The following OSBPL6 variants were observed in gnomAD, a reference collection of about 807,000 sequenced individuals.
OSBPL6 encodes oxysterol binding protein like 6.
OSBPL6 carries 49 observed loss-of-function variants against 125.8 expected under a neutral mutation model. The observed-to-expected ratio is 0.39, with a 90% CI of 0.31 to 0.49. OSBPL6 has a LOEUF of 0.49. OSBPL6 is among the 20% of genes least tolerant of loss of function. The pLI, the probability that OSBPL6 is intolerant of heterozygous loss-of-function variation, is 0.88. For synonymous variants in OSBPL6, 394 were observed against 391.8 expected, an observed-to-expected ratio of 1.01 and a Z score of -0.07; for missense variants, 986 against 1,135.4, an observed-to-expected ratio of 0.87 and a Z score of 1.89.
At chr2:178,317,514 G>A (rs1055140973) in intron 3 of OSBPL6, among the ~76,000 whole-genome samples, 1 of 141,990 alleles carries the variant, frequency 7.0e-6, no homozygotes, top group Non-Finnish European at 1.5e-5. Flanking sequence ...AAACATTTAT[G>A]AGAACATATT....
chr2:178,277,009 C>G (rs1259087277), intron 1 of OSBPL6, among the ~76,000 whole-genome samples: 1 of 152,122 alleles, frequency 6.6e-6, no homozygotes, highest in African/African-American at 2.4e-5. Flanking sequence ...TCTGTGGCTC[C>G]TTTCCTGGCA....
intron 11 of OSBPL6, among the ~76,000 whole-genome samples, chr2:178,343,389 A>G (rs1690398656): frequency 6.6e-6 from 1 of 152,088 alleles, no homozygotes; most frequent in Non-Finnish European, 1.5e-5. Context: ...CCTATCTCAA[A>G]AAAGAAAAAA....
chr2:178,238,823 C>CT (rs2091166905), intron 1 of OSBPL6, among the ~76,000 whole-genome samples: 1 of 152,144 alleles, frequency 6.6e-6, no homozygotes, highest in African/African-American at 2.4e-5. Context: ...ATAAGGGGTT[C>CT]TACTGTACAT....
intron 12 of OSBPL6, among the ~76,000 whole-genome samples, chr2:178,350,071 A>G (rs1691110690): frequency 6.6e-6 from 1 of 152,186 alleles, no homozygotes; most frequent in African/African-American, 2.4e-5. Context: ...ATTGTATTCT[A>G]TTGGTCAAAG....
intron 2 of OSBPL6, among the ~76,000 whole-genome samples, chr2:178,293,693 T>G (rs1438825221): frequency 6.6e-6 from 1 of 152,132 alleles, no homozygotes; most frequent in East Asian, 1.9e-4. Flanking sequence ...ATATTGTCTA[T>G]AGTCTCCCTG....
chr2:178,210,812 CA>C (rs753869824), intron 1 of OSBPL6, among the ~76,000 whole-genome samples: 2,459 of 134,748 alleles, frequency 0.018, 65 homozygotes, highest in African/African-American at 0.062. Flanking sequence ...GACAATGTTT[CA>C]AAAAAAAAAA....
chr2:178,322,516 G>A (rs1327652628), intron 3 of OSBPL6, among the ~76,000 whole-genome samples: 2 of 152,034 alleles, frequency 1.3e-5, no homozygotes, highest in East Asian at 3.9e-4. Context: ...GTTCTCTGTG[G>A]CCCTGTCATC....
chr2:178,393,541 T>A (rs904635053), intron 23 of OSBPL6, among the ~76,000 whole-genome samples: 4 of 152,258 alleles, frequency 2.6e-5, no homozygotes, highest in African/African-American at 9.6e-5. Context: ...AATGTTCCAC[T>A]ATTTAATTCT....
intron 1 of OSBPL6, among the ~76,000 whole-genome samples, chr2:178,264,245 A>G (rs2092158586): frequency 6.6e-6 from 1 of 152,232 alleles, no homozygotes; most frequent in African/African-American, 2.4e-5. Flanking sequence ...TCTCTCATAT[A>G]AATGTCCAAA....
chr2:178,243,116 G>A (rs2091355033), intron 1 of OSBPL6, among the ~76,000 whole-genome samples: 1 of 152,072 alleles, frequency 6.6e-6, no homozygotes, highest in Non-Finnish European at 1.5e-5. Flanking sequence ...TACATTCTCA[G>A]TATGTAATTT....
chr2:178,318,807 C>CA (rs1163273740), intron 3 of OSBPL6, among the ~76,000 whole-genome samples: 11 of 152,188 alleles, frequency 7.2e-5, no homozygotes, highest in Admixed American at 7.2e-4. Context: ...TCCCAGGTGT[C>CA]AGACACCAGC....
intron 2 of OSBPL6, among the ~76,000 whole-genome samples, chr2:178,302,093 C>T (rs1686347276): frequency 6.6e-6 from 1 of 152,146 alleles, no homozygotes; most frequent in African/African-American, 2.4e-5. Flanking sequence ...ACAGCAAGTT[C>T]TAGAAGTCTT....
At chr2:178,216,004 A>C (rs10197166) in intron 1 of OSBPL6, among the ~76,000 whole-genome samples, 60,164 of 151,918 alleles carry the variant, frequency 0.4, 12,421 homozygotes, top group African/African-American at 0.51. Flanking sequence ...GTCTTGAACC[A>C]AGGGAGAAGT....
chr2:178,209,920 T>G (rs998294306), intron 1 of OSBPL6, among the ~76,000 whole-genome samples: 1 of 152,016 alleles, frequency 6.6e-6, no homozygotes, highest in African/African-American at 2.4e-5. Context: ...TGCCTTTTTT[T>G]CCCGCTTTTC....
chr2:178,202,316 G>C (rs1159330166), intron 1 of OSBPL6, among the ~76,000 whole-genome samples: 1 of 151,982 alleles, frequency 6.6e-6, no homozygotes, highest in Non-Finnish European at 1.5e-5. Flanking sequence ...TGTTTCCAAT[G>C]GTGCTAACTT....
intron 2 of OSBPL6, among the ~76,000 whole-genome samples, chr2:178,299,999 G>A (rs79489629): frequency 1.0e-3 from 152 of 152,204 alleles, no homozygotes; most frequent in African/African-American, 3.5e-3. Flanking sequence ...AAATAGTTAC[G>A]CAAATATTTA....
intron 3 of OSBPL6, among the ~76,000 whole-genome samples, chr2:178,318,363 A>C (rs1161237526): frequency 6.6e-6 from 1 of 152,038 alleles, no homozygotes; most frequent in Admixed American, 6.6e-5. Flanking sequence ...GACTTTTTTC[A>C]GCCACTGTTT....
At chr2:178,226,003 G>A (rs771762089) in intron 1 of OSBPL6, among the ~76,000 whole-genome samples, 7 of 152,116 alleles carry the variant, frequency 4.6e-5, no homozygotes, top group African/African-American at 7.2e-5. Flanking sequence ...AGAGTCCAGG[G>A]AACCCCCAAA....
chr2:178,202,676 G>T (rs1013225570), intron 1 of OSBPL6, among the ~76,000 whole-genome samples: 33 of 151,980 alleles, frequency 2.2e-4, no homozygotes, highest in African/African-American at 7.5e-4. Context: ...ACAAAAATTG[G>T]CCGGGCGTGG....
Sources: allele counts gnomAD v4.1 joint callset (sites outside exome capture counted in the v4.1 genomes callset), GRCh38; gene constraint gnomAD v4.1.1; transcripts MANE v1.5; gene names NCBI Gene and HGNC (gene_info 2026-07-23, HGNC 2026-07-21).